RBM47: variants seen among roughly 807,000 people sequenced by gnomAD.
The protein encoded by RBM47 is RNA-binding protein 47.
In RBM47, 21 loss-of-function variants were observed where a neutral mutation model predicts 47.1. The ratio of observed to expected loss-of-function variants is 0.45; its 90% CI spans 0.32 to 0.64. The LOEUF is 0.64. RBM47 is among the 30% of genes least tolerant of loss of function. The pLI is 0.05. For missense variants in RBM47, 708 were observed against 870.9 expected (o/e 0.81, Z 2.35); for synonymous variants, 375 against 361.7 (o/e 1.04, Z -0.42).
chr4:40,596,012 G>T (rs1319020092), intron 1 of RBM47, among the ~76,000 whole-genome samples: 2 of 152,230 alleles, frequency 1.3e-5, no homozygotes, highest in Admixed American at 1.3e-4. Context: ...CACGCAGTCA[G>T]TGTTTGATAA....
chr4:40,590,190 GC>G (rs1733998309), intron 1 of RBM47, among the ~76,000 whole-genome samples: 1 of 152,248 alleles, frequency 6.6e-6, no homozygotes, highest in African/African-American at 2.4e-5. Context: ...ACGCCTGTGT[GC>G]CTGTGTAACA....
chr4:40,511,074 T>C (rs1467664149), intron 2 of RBM47, among the ~76,000 whole-genome samples: 1 of 152,244 alleles, frequency 6.6e-6, no homozygotes, highest in African/African-American at 2.4e-5. Flanking sequence ...ATTCAGTTTT[T>C]ACTTCATCCT....
chr4:40,493,265 T>G (rs1026647079), intron 2 of RBM47, among the ~76,000 whole-genome samples: 1 of 152,046 alleles, frequency 6.6e-6, no homozygotes, highest in Admixed American at 6.6e-5. Context: ...GATATAGAAA[T>G]GCAAACAAAT....
At chr4:40,575,487 G>A (rs571556754) in intron 1 of RBM47, among the ~76,000 whole-genome samples, 10 of 148,302 alleles carry the variant, frequency 6.7e-5, no homozygotes, top group African/African-American at 2.2e-4. Context: ...GGGAGGCAGC[G>A]GTTGCGGTGA....
intron 2 of RBM47, among the ~76,000 whole-genome samples, chr4:40,528,387 G>T (rs570881825): frequency 2.0e-5 from 3 of 148,824 alleles, no homozygotes; most frequent in South Asian, 2.1e-4. Flanking sequence ...GCAGCCTGGC[G>T]ACAGAGTGAG....
intron 1 of RBM47, among the ~76,000 whole-genome samples, chr4:40,618,669 C>G (rs763116538): frequency 1.3e-5 from 2 of 150,640 alleles, no homozygotes; most frequent in African/African-American, 2.4e-5. Flanking sequence ...ATAAGCCAGG[C>G]ATGGTGGCGC....
At chr4:40,609,822 C>T (rs1276886392) in intron 1 of RBM47, among the ~76,000 whole-genome samples, 1 of 151,922 alleles carries the variant, frequency 6.6e-6, no homozygotes, top group Non-Finnish European at 1.5e-5. Flanking sequence ...AAGCCAGGCG[C>T]TGTGGCTCAC....
chr4:40,523,561 G>A (rs888181593), intron 2 of RBM47, among the ~76,000 whole-genome samples: 2 of 151,990 alleles, frequency 1.3e-5, no homozygotes, highest in African/African-American at 4.8e-5. Flanking sequence ...TGAGGCAGGA[G>A]AATTGCTTGA....
intron 1 of RBM47, among the ~76,000 whole-genome samples, chr4:40,564,688 CA>C (rs998384932): frequency 2.6e-5 from 4 of 152,068 alleles, no homozygotes; most frequent in Admixed American, 2.6e-4. Context: ...TTTTAGAATA[CA>C]AAAAAATCAC....
rs1560497931 is a variant in RBM47 at position 40,600,179 on chromosome 4, A to AT, written c.-240+29216_-240+29217insA. Among the ~76,000 whole-genome samples, 17 of 128,912 alleles carry AT rather than the reference A, an allele frequency of 1.3e-4. No individual in the cohort carries two copies. The South Asian group carries it at 3.4e-3, about 26-fold the overall frequency. The allele number at this position is 128,912 out of a possible 152,430, so 84.6% of individuals were successfully genotyped here. A position where few individuals can be genotyped will look rare whatever the true frequency, so the allele number is the denominator to read the frequency against. ...ATAATACCTGGCTAATTTTTTTATG[A>AT]ATTTTTTTTTTTTTGTAGAGACAGG... On this transcript the variant is annotated intron_variant, in intron 1 of 6. Transcript: ENST00000295971.
intron 1 of RBM47, among the ~76,000 whole-genome samples, chr4:40,610,427 G>A (rs761227146): frequency 2.0e-5 from 3 of 151,772 alleles, no homozygotes; most frequent in African/African-American, 4.8e-5. Flanking sequence ...TGGAGACCAC[G>A]GTGAAACTCC....
chr4:40,436,165 CTG>C (rs1712326394), intron 5 of RBM47, among the ~76,000 whole-genome samples: 1 of 142,160 alleles, frequency 7.0e-6, no homozygotes, highest in Non-Finnish European at 1.5e-5. Flanking sequence ...GAGCGAGACT[CTG>C]TCTCAAAAAA....
At chr4:40,618,447 C>A (rs949527977) in intron 1 of RBM47, among the ~76,000 whole-genome samples, 1 of 152,012 alleles carries the variant, frequency 6.6e-6, no homozygotes, top group Non-Finnish European at 1.5e-5. Flanking sequence ...ATAAGAAATA[C>A]TTTTCCGAAA....
intron 2 of RBM47, among the ~76,000 whole-genome samples, chr4:40,511,858 C>CTGGG (rs1172652295): frequency 6.6e-6 from 1 of 150,846 alleles, no homozygotes; most frequent in African/African-American, 2.4e-5. Flanking sequence ...TCGCCTGAAC[C>CTGGG]TGGGAGGCAC....
intron 2 of RBM47, among the ~76,000 whole-genome samples, chr4:40,533,170 A>G (rs1211657738): frequency 6.6e-6 from 1 of 152,214 alleles, no homozygotes; most frequent in African/African-American, 2.4e-5. Context: ...GCAGTGGCTT[A>G]CACCTGCAAT....
intron 1 of RBM47, among the ~76,000 whole-genome samples, chr4:40,576,240 GTTTTTTT>G (rs143760914): frequency 8.7e-6 from 1 of 115,044 alleles, no homozygotes; most frequent in African/African-American, 3.6e-5. Context: ...TCTCTTTTCT[GTTTTTTT>G]TTTTTTTTTG....
intron 1 of RBM47, among the ~76,000 whole-genome samples, chr4:40,615,395 A>C (rs1056298691): frequency 3.9e-5 from 6 of 152,188 alleles, no homozygotes; most frequent in African/African-American, 1.4e-4. Flanking sequence ...GTGAGCTTAG[A>C]TCACTCCACT....
Position 40,605,553 on chromosome 4 carries a change from G to A in RBM47, c.-240+23843C>T, listed in dbSNP as rs184343413. 2.6e-5 allele frequency among the ~76,000 whole-genome samples: 4 copies of A among 152,116 alleles called. No homozygotes were observed. In the East Asian group the frequency reaches 5.8e-4, roughly 22 times the overall value. Reference sequence around the variant, plus strand: ...ATTAGAAAAATACTGGTCTTCGGCCGGGCACGGTGGCTCACGCCTGTAATC... The same window carrying A: ...ATTAGAAAAATACTGGTCTTCGGCCAGGCACGGTGGCTCACGCCTGTAATC... On this transcript the variant is annotated intron_variant, in intron 1 of 6. Transcript: ENST00000295971.
Position 40,612,523 on chromosome 4 carries a change from AAAG to A in RBM47, c.-240+16870_-240+16872del, listed in dbSNP as rs539182859. On this transcript the variant is annotated intron_variant, in intron 1 of 6. Transcript: ENST00000295971. ...AGAGAGCCAGACTCTGTCTCTCAAA[AAAG>A]AAGAAGTATAGCTAGAAATTCTAAG... Among the ~76,000 whole-genome samples, 269 of 152,338 alleles carry A rather than the reference AAAG, an allele frequency of 1.8e-3. 1 individual carries two copies. Among genetic ancestry groups the A allele is most frequent in the African/African-American group, 6.0e-3 (249 of 41,586 alleles).
Sources: allele counts gnomAD v4.1 joint callset (sites outside exome capture counted in the v4.1 genomes callset), GRCh38; gene constraint gnomAD v4.1.1; transcripts MANE v1.5; gene names NCBI Gene and HGNC (gene_info 2026-07-23, HGNC 2026-07-21).